Variants in RASGRP1 observed in about 807,000 individuals in gnomAD.
The protein encoded by RASGRP1 is RAS guanyl releasing protein 1, also known as RAS guanyl-releasing protein 1.
RASGRP1 carries 37 observed loss-of-function variants against 95.1 expected under a neutral mutation model. That is an observed-to-expected ratio of 0.39 (90% CI 0.30 to 0.51). The LOEUF (loss-of-function observed/expected upper bound fraction) is 0.51. Ranked by LOEUF, RASGRP1 falls within the 20% of genes least tolerant of loss-of-function variation. The pLI, the probability that RASGRP1 is intolerant of heterozygous loss-of-function variation, is 0.80. For missense variants in RASGRP1, 711 were observed against 965.4 expected, an observed-to-expected ratio of 0.74 and a Z score of 3.49; for synonymous variants, 325 against 353.4, an observed-to-expected ratio of 0.92 and a Z score of 0.90.
rs758232207 is a variant in RASGRP1 at position 38,526,287 on chromosome 15, G to A, written c.326+12C>T. 1 of 1,601,672 alleles carries A rather than the reference G, an allele frequency of 6.2e-7. No individual in the cohort carries two copies. The highest frequency in any genetic ancestry group is 1.7e-5 in the Admixed American group (1 of 59,842). On this transcript the variant is annotated intron_variant, in intron 3 of 16. Transcript: ENST00000310803. ...CCATTTTGGGATTGCCAGTCACTAT[G>A]TTAAAGGATATAGGGTGATAACTTT... is the stretch of plus-strand genomic sequence containing the variant.
intron 2 of RASGRP1, among the ~76,000 whole-genome samples, chr15:38,531,901 C>T (rs1458789613): frequency 6.6e-6 from 1 of 152,198 alleles, no homozygotes; most frequent in African/African-American, 2.4e-5. Flanking sequence ...ACAACCTCAT[C>T]AGGGATATGT....
At chr15:38,511,066 A>G (rs1412972974) in intron 8 of RASGRP1, among the ~76,000 whole-genome samples, 1 of 152,252 alleles carries the variant, frequency 6.6e-6, no homozygotes, top group Non-Finnish European at 1.5e-5. Flanking sequence ...TTTAAGAAAA[A>G]TATTCATTAA....
chr15:38,527,352 C>G (rs1173129907), intron 2 of RASGRP1, among the ~76,000 whole-genome samples: 2 of 152,154 alleles, frequency 1.3e-5, no homozygotes, highest in Non-Finnish European at 2.9e-5. Context: ...CACCACTCCC[C>G]TGACAGTGAC....
intron 2 of RASGRP1, among the ~76,000 whole-genome samples, chr15:38,554,281 G>A (rs1893459533): frequency 6.6e-6 from 1 of 152,154 alleles, no homozygotes; most frequent in Non-Finnish European, 1.5e-5. Flanking sequence ...AGTTAAAGGA[G>A]CAAAATAACA....
rs1354807243 is a variant in RASGRP1 at position 38,562,697 on chromosome 15, T to C, written c.35+1897A>G. The stretch of plus-strand genomic sequence containing the variant: ...GAGGCAACTGCAACTAGAGGCTCTA[T>C]CTACTGACAGAGCTCTTCCTGCTAG... On this transcript the variant is annotated intron_variant, in intron 1 of 16. Coordinates refer to ENST00000310803, the MANE Select transcript of RASGRP1 (RefSeq NM_005739.4). 2.0e-5 allele frequency among the ~76,000 whole-genome samples: 3 copies of C among 152,186 alleles called. No homozygotes were observed. In the East Asian group the frequency reaches 5.8e-4, roughly 29 times the overall value.
At chr15:38,500,996 C>A in intron 13 of RASGRP1, 147 bp downstream of exon 13, 1 of 945,050 alleles carries the variant, frequency 1.1e-6, no homozygotes. Context: ...AGGTAAAAAC[C>A]ACACGCTTGA....
intron 12 of RASGRP1, chr15:38,501,581 A>G (rs761231713): frequency 1.8e-4 from 90 of 504,854 alleles, no homozygotes; most frequent in Non-Finnish European, 3.1e-4. Flanking sequence ...ACAATGTAAC[A>G]TGTACATGTG....
At chr15:38,529,805 T>G (rs935247528) in intron 2 of RASGRP1, among the ~76,000 whole-genome samples, 2 of 152,234 alleles carry the variant, frequency 1.3e-5, no homozygotes, top group African/African-American at 4.8e-5. Flanking sequence ...GAAATTGAGT[T>G]TGCTTTCGTC....
intron 2 of RASGRP1, among the ~76,000 whole-genome samples, chr15:38,552,439 A>G (rs1473876336): frequency 1.3e-5 from 2 of 152,204 alleles, no homozygotes; most frequent in African/African-American, 2.4e-5. Flanking sequence ...TGGGCTCTCC[A>G]GGGGAGGGAT....
Position 38,505,930 on chromosome 15 carries a change from A to G in RASGRP1, c.1243-10T>C. The G allele has an allele frequency of 6.3e-7, 1 of 1,595,204 alleles. No individual in the cohort carries two copies. Among genetic ancestry groups the G allele is most frequent in the Non-Finnish European group, 8.6e-7 (1 of 1,166,232 alleles). ...AAAGATCCAGGGATAACTGCAGATC[A>G]AAGCAGAACAGGGTTCATTGCTAAG... On this transcript the variant is annotated splice_polypyrimidine_tract_variant and intron_variant, in intron 9 of 16. Transcript: ENST00000310803.
At chr15:38,528,339 T>C (rs1280724392) in intron 2 of RASGRP1, among the ~76,000 whole-genome samples, 1 of 152,204 alleles carries the variant, frequency 6.6e-6, no homozygotes, top group Non-Finnish European at 1.5e-5. Context: ...TATCAGTTTC[T>C]TTTCTCCCAT....
At chr15:38,508,270 A>T (rs2141105241) in intron 8 of RASGRP1, among the ~76,000 whole-genome samples, 1 of 152,292 alleles carries the variant, frequency 6.6e-6, no homozygotes, top group South Asian at 2.1e-4. Context: ...TATCATTTTT[A>T]TGTTAAAATT....
At chr15:38,556,642 A>G (rs961363919) in intron 2 of RASGRP1, among the ~76,000 whole-genome samples, 4 of 152,238 alleles carry the variant, frequency 2.6e-5, no homozygotes, top group African/African-American at 4.8e-5. Flanking sequence ...GTCCAACAGT[A>G]GGTGCCATTT....
intron 2 of RASGRP1, among the ~76,000 whole-genome samples, chr15:38,539,153 G>A (rs1892771270): frequency 6.6e-6 from 1 of 152,146 alleles, no homozygotes; most frequent in Non-Finnish European, 1.5e-5. Context: ...CCAGTCTTCT[G>A]AGGTAAACCC....
chr15:38,497,338 C>CTAG (rs1325819242), intron 15 of RASGRP1, among the ~76,000 whole-genome samples: 2 of 152,132 alleles, frequency 1.3e-5, no homozygotes, highest in Admixed American at 6.5e-5. Flanking sequence ...ATTTAAGACT[C>CTAG]TCTAGACTGT....
At chr15:38,526,641 G>C (rs988734519) in intron 2 of RASGRP1, among the ~76,000 whole-genome samples, 3 of 152,072 alleles carry the variant, frequency 2.0e-5, no homozygotes, top group African/African-American at 7.2e-5. Context: ...TGGTAAAATC[G>C]GGAAAGGGAT....
intron 2 of RASGRP1, among the ~76,000 whole-genome samples, chr15:38,539,785 T>C (rs1256078412): frequency 2.0e-5 from 3 of 152,066 alleles, no homozygotes; most frequent in Admixed American, 6.5e-5. Context: ...TGTGTTCTCA[T>C]TGTTCAATTC....
At chr15:38,562,141 T>C (rs7165385) in intron 1 of RASGRP1, among the ~76,000 whole-genome samples, 5,386 of 152,296 alleles carry the variant, frequency 0.035, 328 homozygotes, top group African/African-American at 0.12. Context: ...CTCTGCACAT[T>C]TCACAACATC....
chr15:38,528,587 CTCT>C (rs1892322699), intron 2 of RASGRP1, among the ~76,000 whole-genome samples: 1 of 152,098 alleles, frequency 6.6e-6, no homozygotes, highest in African/African-American at 2.4e-5. Context: ...CTCTCTCAGG[CTCT>C]TCTTCTGTCT....
Sources: allele counts gnomAD v4.1 joint callset (sites outside exome capture counted in the v4.1 genomes callset), GRCh38; gene constraint gnomAD v4.1.1; transcripts MANE v1.5; gene names NCBI Gene and HGNC (gene_info 2026-07-23, HGNC 2026-07-21).